The following JHY variants were observed in gnomAD, a reference collection of about 807,000 sequenced individuals.
The protein encoded by JHY is jhy protein homolog.
In JHY, 69 loss-of-function variants were observed where a neutral mutation model predicts 78.0. That is an observed-to-expected ratio of 0.88 (90% CI 0.73 to 1.08). JHY has a LOEUF of 1.08. Among genes scored for constraint, JHY ranks in the 50% least tolerant of loss-of-function variants. The probability of loss-of-function intolerance (pLI) is 0.00; values close to 1 mark genes in which losing one functional copy is unlikely to be tolerated. For missense variants in JHY, 944 were observed against 927.8 expected (o/e 1.02, Z -0.23); for synonymous variants, 368 against 342.6 (o/e 1.07, Z -0.82).
In JHY at chr11:122,935,100, GT is replaced by G; in HGVS notation, c.1634+29del. The G allele has an allele frequency of 6.5e-7, 1 of 1,527,154 alleles. No individual in the cohort carries two copies. The highest frequency in any genetic ancestry group is 8.8e-7 in the Non-Finnish European group (1 of 1,137,848). 94.6% of individuals were successfully genotyped at this position (1,527,154 alleles called of 1,614,324 possible). A position where few individuals can be genotyped will look rare whatever the true frequency, so the allele number is the denominator to read the frequency against. Reference sequence around the variant, plus strand: ...GGTAAGAATTCCCTTTTCTCAAGTGGTTTTCTAGAGGAGAAAGGAGAGACTG... The same window carrying G: ...GGTAAGAATTCCCTTTTCTCAAGTGGTTTCTAGAGGAGAAAGGAGAGACTG... On this transcript the variant is annotated intron_variant, in intron 5 of 8. Transcript: ENST00000227349. This position sits in a 1 kb window ranked among gnomAD's most constrained non-coding sequence, Gnocchi z 4.5.
chr11:122,950,414 C>T (rs1864062858), intron 6 of JHY, among the ~76,000 whole-genome samples: 1 of 152,072 alleles, frequency 6.6e-6, no homozygotes, highest in South Asian at 2.1e-4. Flanking sequence ...GAGAATCTTC[C>T]AGGTTGGGGT....
intron 2 of JHY, among the ~76,000 whole-genome samples, chr11:122,897,477 T>C (rs895161630): frequency 6.6e-6 from 1 of 152,136 alleles, no homozygotes; most frequent in Non-Finnish European, 1.5e-5. Context: ...AGTGAGCCCC[T>C]TGCCTGGACC....
At chr11:122,941,285 A>T (rs370569563) in intron 5 of JHY, among the ~76,000 whole-genome samples, 8 of 152,314 alleles carry the variant, frequency 5.3e-5, no homozygotes, top group Non-Finnish European at 8.8e-5. Flanking sequence ...AATTATGCCT[A>T]TGCCAATACA....
intron 4 of JHY, 149 bp from the exon 5 acceptor site, chr11:122,934,271 G>A (rs1422997588): frequency 1.6e-5 from 5 of 310,368 alleles, no homozygotes; most frequent in South Asian, 1.4e-4. Flanking sequence ...AGCCCAGATC[G>A]TGCCACTGCA....
intron 3 of JHY, among the ~76,000 whole-genome samples, chr11:122,910,645 C>T (rs1252978001): frequency 6.6e-6 from 1 of 152,052 alleles, no homozygotes; most frequent in Non-Finnish European, 1.5e-5. Context: ...AATTTTGAAC[C>T]ATACTTATGT....
At chr11:122,891,841 G>A (rs1862621397) in intron 2 of JHY, among the ~76,000 whole-genome samples, 1 of 152,070 alleles carries the variant, frequency 6.6e-6, no homozygotes, top group Non-Finnish European at 1.5e-5. Context: ...AAACGCTAAA[G>A]CCTGAGCCAC....
At chr11:122,931,063 A>G (rs1863624559) in intron 4 of JHY, among the ~76,000 whole-genome samples, 2 of 152,072 alleles carry the variant, frequency 1.3e-5, no homozygotes, top group South Asian at 4.2e-4. Flanking sequence ...AGGGACATCA[A>G]TCCCAAGAAG....
intron 5 of JHY, among the ~76,000 whole-genome samples, chr11:122,944,056 G>A (rs1360635258): frequency 6.6e-6 from 1 of 152,112 alleles, no homozygotes; most frequent in Non-Finnish European, 1.5e-5. Context: ...AATTAGCCAG[G>A]CATGGTGGGG....
At chr11:122,949,381 G>A (rs1360191649) in intron 6 of JHY, among the ~76,000 whole-genome samples, 2 of 152,078 alleles carry the variant, frequency 1.3e-5, no homozygotes, top group African/African-American at 2.4e-5. Context: ...TGGTGTGCAG[G>A]GCAGATGCAA....
chr11:122,900,229 T>C (rs10892922), intron 2 of JHY, among the ~76,000 whole-genome samples: 60,665 of 152,080 alleles, frequency 0.4, 12,325 homozygotes, highest in East Asian at 0.47. Flanking sequence ...CAGCAAGGCG[T>C]GACAGTTTTG....
rs1862920357 is a variant in JHY, at chr11:122,904,010, G to C, written c.430G>C (p.Val144Leu). 4.3e-6 allele frequency: 7 copies of C among 1,614,186 alleles called. No individual in the cohort carries two copies. The highest frequency in any genetic ancestry group is 5.1e-6 in the Non-Finnish European group (6 of 1,180,024). ...SKKEEGQLLS[V>L]EALPESTDSS... ...GAAGGAGGAAGGGCAGCTGCTGTCT[G>C]TGGAAGCGTTGCCGGAGTCCACGGA... The change falls in exon 3 of 9, where the codon GTG becomes CTG. Residue 144 changes from valine to leucine, a missense_variant. Val to Leu is a conservative substitution (Grantham distance 32, BLOSUM62 1). Transcript: ENST00000227349.
At chr11:122,897,116 A>G (rs1396340748) in intron 2 of JHY, among the ~76,000 whole-genome samples, 2 of 152,104 alleles carry the variant, frequency 1.3e-5, no homozygotes, top group Admixed American at 6.5e-5. Context: ...CGGCCTCCCA[A>G]AGTGCTGGGA....
chr11:122,892,647 T>C (rs756367023), intron 2 of JHY, among the ~76,000 whole-genome samples: 57 of 152,160 alleles, frequency 3.7e-4, no homozygotes, highest in Non-Finnish European at 6.6e-4. Flanking sequence ...TATTGTTGTA[T>C]ATAATTGTTT....
chr11:122,950,095 A>G (rs933357793), intron 6 of JHY, among the ~76,000 whole-genome samples: 1 of 151,972 alleles, frequency 6.6e-6, no homozygotes, highest in Non-Finnish European at 1.5e-5. Flanking sequence ...TGGCCTCCCA[A>G]ATTGCCGGAA....
At chr11:122,955,765 C>T (rs936203959) in intron 6 of JHY, among the ~76,000 whole-genome samples, 3 of 152,186 alleles carry the variant, frequency 2.0e-5, no homozygotes, top group Middle Eastern at 3.4e-3. Context: ...ATTATCTTTT[C>T]CCCCCAATAA....
At chr11:122,921,170 G>A (rs569278290) in intron 3 of JHY, among the ~76,000 whole-genome samples, 143 of 152,274 alleles carry the variant, frequency 9.4e-4, no homozygotes, top group Non-Finnish European at 1.7e-3. Context: ...AGCCTGTGGA[G>A]GGAAATAATG....
At chr11:122,932,813 A>C (rs1302697366) in intron 4 of JHY, among the ~76,000 whole-genome samples, 1 of 152,198 alleles carries the variant, frequency 6.6e-6, no homozygotes, top group Non-Finnish European at 1.5e-5. Context: ...GCATTTCCCC[A>C]TGCAGCTCAA....
chr11:122,946,930 T>TAAGAAAC, intron 6 of JHY, 138 bp downstream of exon 6: 3 of 987,940 alleles, frequency 3.0e-6, no homozygotes, highest in Non-Finnish European at 4.3e-6. Context: ...TCCTAAGGAG[T>TAAGAAAC]TTCTTACTCC....
chr11:122,955,875 T>C (rs1864180243), intron 6 of JHY, among the ~76,000 whole-genome samples: 1 of 152,220 alleles, frequency 6.6e-6, no homozygotes, highest in African/African-American at 2.4e-5. Context: ...TATTCTCTTT[T>C]TGAAGCACTG....
Sources: allele counts gnomAD v4.1 joint callset (sites outside exome capture counted in the v4.1 genomes callset), GRCh38; gene constraint gnomAD v4.1.1; non-coding constraint Gnocchi (gnomAD v3.1); transcripts MANE v1.5; gene names NCBI Gene and HGNC (gene_info 2026-07-23, HGNC 2026-07-21).